INPP4A: variants seen among roughly 807,000 people sequenced by gnomAD.
INPP4A encodes the protein inositol polyphosphate-4-phosphatase type I A.
In INPP4A, 33 loss-of-function variants were observed where a neutral mutation model predicts 119.8. The observed-to-expected ratio is 0.28, with a 90% CI of 0.21 to 0.37. INPP4A has a LOEUF of 0.37. Ranked by LOEUF, INPP4A falls within the 10% of genes least tolerant of loss-of-function variation. The pLI is 1.00. For missense variants in INPP4A, 956 were observed against 1,289.9 expected (o/e 0.74, Z 3.97); for synonymous variants, 496 against 500.7 (o/e 0.99, Z 0.12).
rs192347357 is a variant in INPP4A at position 98,554,123 on chromosome 2, A to T, written c.1348-148A>T. The T allele has an allele frequency of 8.5e-5, 51 of 596,544 alleles. No individual in the cohort carries two copies. Among genetic ancestry groups the T allele is most frequent in the Middle Eastern group, 9.1e-4 (2 of 2,204 alleles). The allele number at this position is 596,544 out of a possible 1,614,324, so 37.0% of individuals were successfully genotyped here. ...TCTTTGTACTCAGACATCTTGAGGG[A>T]TGTAGCCCTTCAGTTGCTTTGCACT... On this transcript the variant is annotated intron_variant, in intron 14 of 24. Coordinates refer to ENST00000409851, the MANE Select transcript of INPP4A (RefSeq NM_001134225.2). This position sits in a 1 kb window ranked among gnomAD's most constrained non-coding sequence, Gnocchi z 4.7.
chr2:98,464,117 C>T (rs1185526980), intron 1 of INPP4A, among the ~76,000 whole-genome samples: 1 of 152,194 alleles, frequency 6.6e-6, no homozygotes, highest in East Asian at 1.9e-4. Flanking sequence ...AGGCTCCACC[C>T]TGAGCTCTTT....
chr2:98,554,229 C>A lies in INPP4A; in HGVS notation c.1348-42C>A, dbSNP rs758380966. On this transcript the variant is annotated intron_variant, in intron 14 of 24. Transcript: ENST00000409851. The surrounding 1 kb of genome is among the most constrained non-coding windows in gnomAD (Gnocchi z 4.7). ...AGATAAGGCAGGGGCCTCCCCAGCC[C>A]CTGGCCTGGGCTCAGCAGCCTTGGT... is the stretch of plus-strand genomic sequence containing the variant. The A allele has an allele frequency of 6.6e-7, 1 of 1,515,144 alleles. No homozygotes were observed. The highest frequency in any genetic ancestry group is 2.4e-5 in the East Asian group (1 of 41,332). 93.9% of individuals were successfully genotyped at this position (1,515,144 alleles called of 1,614,324 possible). A position where few individuals can be genotyped will look rare whatever the true frequency, so the allele number is the denominator to read the frequency against.
chr2:98,511,895 A>G (rs1337885087), intron 1 of INPP4A, among the ~76,000 whole-genome samples: 1 of 152,114 alleles, frequency 6.6e-6, no homozygotes. Flanking sequence ...TTTGGGCCTA[A>G]TTTTTGGTGA....
At chr2:98,539,488 A>G in intron 9 of INPP4A, 40 bp from the exon 10 acceptor site, 1 of 1,585,866 alleles carries the variant, frequency 6.3e-7, no homozygotes, top group Non-Finnish European at 8.6e-7. Context: ...GTCTGCAGCC[A>G]GTTCATTTGC....
At chr2:98,469,166 A>G (rs1473828039) in intron 1 of INPP4A, among the ~76,000 whole-genome samples, 1 of 152,114 alleles carries the variant, frequency 6.6e-6, no homozygotes, top group African/African-American at 2.4e-5. Flanking sequence ...ATTTGGAGGT[A>G]CAGCTGGGGT....
chr2:98,539,478 G>T, intron 9 of INPP4A, 50 bp from the exon 10 acceptor site: 2 of 1,577,984 alleles, frequency 1.3e-6, no homozygotes, highest in South Asian at 1.1e-5. Context: ...CATGAGGCAG[G>T]TCTGCAGCCA....
intron 19 of INPP4A, among the ~76,000 whole-genome samples, 192 bp from the exon 20 acceptor site, chr2:98,565,448 G>C (rs1205957711): frequency 6.6e-6 from 1 of 152,204 alleles, no homozygotes; most frequent in Non-Finnish European, 1.5e-5. Context: ...ATGTGGCTGT[G>C]GGATTTCAGA....
intron 10 of INPP4A, among the ~76,000 whole-genome samples, chr2:98,542,463 C>T (rs891753347): frequency 3.3e-5 from 5 of 152,090 alleles, no homozygotes; most frequent in African/African-American, 4.8e-5. Flanking sequence ...AAAAACAACT[C>T]GGGGCTCTAC....
intron 9 of INPP4A, 67 bp from the exon 10 acceptor site, chr2:98,539,461 G>A: frequency 6.5e-7 from 1 of 1,533,978 alleles, no homozygotes. Flanking sequence ...GCCGGGGGAG[G>A]AGAACCCATG....
Position 98,546,086 on chromosome 2 carries a change from C to G in INPP4A, c.1054+13C>G, listed in dbSNP as rs1692427202. 3 of 1,529,600 alleles carry G rather than the reference C, an allele frequency of 2.0e-6. No homozygotes were observed. Among genetic ancestry groups the G allele is most frequent in the Non-Finnish European group, 2.7e-6 (3 of 1,123,130 alleles). 94.8% of individuals were successfully genotyped at this position (1,529,600 alleles called of 1,614,324 possible). A position where few individuals can be genotyped will look rare whatever the true frequency, so the allele number is the denominator to read the frequency against. ...GATGGAGGATCAGGTACCTATTTTTCTGCTCCCTCTTGTTGAATCACATTT... is the reference window on the plus strand; with the variant it reads ...GATGGAGGATCAGGTACCTATTTTTGTGCTCCCTCTTGTTGAATCACATTT... On this transcript the variant is annotated intron_variant, in intron 12 of 24. Transcript: ENST00000409851. The surrounding 1 kb of genome is among the most constrained non-coding windows in gnomAD (Gnocchi z 4.2).
intron 24 of INPP4A, among the ~76,000 whole-genome samples, chr2:98,582,240 C>CCTAT (rs1699416778): frequency 1.3e-5 from 2 of 152,310 alleles, no homozygotes; most frequent in South Asian, 4.1e-4. Flanking sequence ...TCTAGAAAAA[C>CCTAT]CTATCTAATA....
At chr2:98,475,509 C>G (rs1357485538) in intron 1 of INPP4A, among the ~76,000 whole-genome samples, 1 of 152,174 alleles carries the variant, frequency 6.6e-6, no homozygotes, top group African/African-American at 2.4e-5. Context: ...GAAAGCAAAA[C>G]TATGGGTAAC....
intron 16 of INPP4A, 85 bp from the exon 17 acceptor site, chr2:98,559,378 G>A (rs142829023): frequency 9.7e-5 from 144 of 1,490,650 alleles, no homozygotes; most frequent in Non-Finnish European, 1.1e-4. Context: ...AGCTGCTGAC[G>A]CAGCTGCTGC....
intron 1 of INPP4A, among the ~76,000 whole-genome samples, chr2:98,492,210 G>T (rs772830294): frequency 5.3e-5 from 8 of 152,102 alleles, no homozygotes; most frequent in Non-Finnish European, 1.2e-4. Flanking sequence ...TGATGTTTTG[G>T]TCTTATGATA....
chr2:98,477,832 G>A (rs1026530258), intron 1 of INPP4A, among the ~76,000 whole-genome samples: 1 of 152,226 alleles, frequency 6.6e-6, no homozygotes, highest in African/African-American at 2.4e-5. Flanking sequence ...CCTCTAATGT[G>A]GACAGCCTGG....
At chr2:98,472,565 A>G (rs536109949) in intron 1 of INPP4A, among the ~76,000 whole-genome samples, 1 of 152,318 alleles carries the variant, frequency 6.6e-6, no homozygotes, top group African/African-American at 2.4e-5. Context: ...GCTGTTCTTC[A>G]TGTGTCCTCT....
chr2:98,548,834 C>T (rs1692958774), intron 13 of INPP4A: 2 of 894,302 alleles, frequency 2.2e-6, no homozygotes, highest in Non-Finnish European at 3.5e-6. Flanking sequence ...GTAGTTGGGA[C>T]CTCAACAAAT....
intron 1 of INPP4A, among the ~76,000 whole-genome samples, chr2:98,483,899 G>A (rs1679009472): frequency 6.6e-6 from 1 of 152,082 alleles, no homozygotes; most frequent in African/African-American, 2.4e-5. Context: ...TCTTGCCTGA[G>A]CCTCCACCTT....
chr2:98,533,164 G>A (rs1323289232), intron 4 of INPP4A, among the ~76,000 whole-genome samples: 1 of 152,228 alleles, frequency 6.6e-6, no homozygotes, highest in Non-Finnish European at 1.5e-5. Context: ...CTGAAGTTAT[G>A]ACATTGCTGT....
Sources: gnomAD v4.1 joint callset for allele counts (sites outside exome capture counted in the v4.1 genomes callset) on GRCh38, gnomAD v4.1.1 for gene constraint, Gnocchi (gnomAD v3.1) non-coding constraint, MANE v1.5 for transcripts, NCBI Gene and HGNC (gene_info 2026-07-23, HGNC 2026-07-21) for gene names.